FBXO15: variants seen among roughly 807,000 people sequenced by gnomAD.
FBXO15 encodes F-box only protein 15.
Under a neutral mutation model 49.5 loss-of-function variants are expected in FBXO15, and 30 were observed. The ratio of observed to expected loss-of-function variants is 0.61; its 90% CI spans 0.45 to 0.82. The LOEUF is 0.82. FBXO15 is among the 40% of genes least tolerant of loss of function. The probability of loss-of-function intolerance (pLI) is 0.00; values close to 1 mark genes in which losing one functional copy is unlikely to be tolerated. For synonymous variants in FBXO15, 250 were observed against 232.7 expected, an observed-to-expected ratio of 1.07 and a Z score of -0.68; for missense variants, 591 against 631.5, an observed-to-expected ratio of 0.94 and a Z score of 0.69.
chr18:74,097,867 C>T (rs550035285), intron 8 of FBXO15: 2 of 152,364 alleles, frequency 1.3e-5, no homozygotes, highest in Admixed American at 1.3e-4. Context: ...CACTTCACTC[C>T]CTTGCCACCT....
chr18:74,090,014 T>C (rs1431878823), intron 8 of FBXO15, among the ~76,000 whole-genome samples: 1 of 152,198 alleles, frequency 6.6e-6, no homozygotes, highest in African/African-American at 2.4e-5. Context: ...TTTATACAGC[T>C]GGTAGAATTT....
At chr18:74,085,551 C>A (rs1157201654) in intron 8 of FBXO15, among the ~76,000 whole-genome samples, 1 of 152,182 alleles carries the variant, frequency 6.6e-6, no homozygotes, top group Non-Finnish European at 1.5e-5. Context: ...CGAGATCGCA[C>A]CACTGCACTC....
chr18:74,144,654 ATCTG>A (rs75427307), intron 1 of FBXO15, among the ~76,000 whole-genome samples: 13,278 of 129,120 alleles, frequency 0.1, 808 homozygotes, highest in Admixed American at 0.22. Flanking sequence ...CTACTAAATA[ATCTG>A]TCTTTGTCCT....
chr18:74,090,106 A>T (rs1447890586), intron 8 of FBXO15, among the ~76,000 whole-genome samples: 1 of 151,890 alleles, frequency 6.6e-6, no homozygotes, highest in African/African-American at 2.4e-5. Context: ...CTCATTACTG[A>T]TCTGTTCAGG....
At chr18:74,140,767 C>T (rs1979027996) in intron 1 of FBXO15, 1 of 155,606 alleles carries the variant, frequency 6.4e-6, no homozygotes, top group South Asian at 2.0e-4. Flanking sequence ...TACACTCTCA[C>T]TGTAGGCTTT....
chr18:74,127,267 T>C (rs145881095), intron 5 of FBXO15, among the ~76,000 whole-genome samples: 85 of 152,322 alleles, frequency 5.6e-4, no homozygotes, highest in African/African-American at 2.0e-3. Flanking sequence ...GAGGTACTTA[T>C]TAAATAGACT....
chr18:74,130,813 T>C (rs745868593), intron 3 of FBXO15, 155 bp from the exon 4 acceptor site: 13 of 803,152 alleles, frequency 1.6e-5, no homozygotes, highest in Non-Finnish European at 3.7e-6. Flanking sequence ...TTAAAGTGAA[T>C]TGCAGTTTGA....
At position 74,110,358 on chromosome 18, in the gene FBXO15, T is replaced by C. The variant is rs1323307801; in HGVS notation, c.1138+13010A>G. Among the ~76,000 whole-genome samples, 6 of 151,592 alleles carry C rather than the reference T, an allele frequency of 4.0e-5. No individual in the cohort carries two copies. The East Asian group carries it at 7.7e-4, about 19-fold the overall frequency. ...AGTGAAACTGGATTTGTGGTAAATA[T>C]GGTAAATTGTAAGGCAACCACTATA... On this transcript the variant is annotated intron_variant, in intron 8 of 9. Transcript: ENST00000419743.
chr18:74,136,761 T>C (rs768962372), intron 2 of FBXO15, among the ~76,000 whole-genome samples: 1 of 152,188 alleles, frequency 6.6e-6, no homozygotes, highest in Non-Finnish European at 1.5e-5. Context: ...GTATCACTAG[T>C]GTCAAGAAGT....
Position 74,147,828 on chromosome 18 carries a change from GAA to G in FBXO15, c.-45_-44del, listed in dbSNP as rs993606932. On this transcript the variant is annotated 5_prime_UTR_variant, in exon 1 of 10. Transcript: ENST00000419743. ...CACAGGACCGCGCCAGGGCTGAAAC[GAA>G]GAGTGCACGCACCGCCCCCACGCCC... 3.4e-6 allele frequency: 5 copies of G among 1,469,362 alleles called. No homozygotes were observed. The highest frequency in any genetic ancestry group is 4.5e-6 in the Non-Finnish European group (5 of 1,110,474). 91.0% of individuals were successfully genotyped at this position (1,469,362 alleles called of 1,614,324 possible). A position where few individuals can be genotyped will look rare whatever the true frequency, so the allele number is the denominator to read the frequency against.
chr18:74,098,656 G>A (rs1398748723), intron 8 of FBXO15: 1 of 152,176 alleles, frequency 6.6e-6, no homozygotes, highest in African/African-American at 2.4e-5. Context: ...TGGCATTCCT[G>A]GGAAAGAAGA....
chr18:74,094,934 G>A (rs1031675197), intron 8 of FBXO15, among the ~76,000 whole-genome samples: 7 of 152,168 alleles, frequency 4.6e-5, no homozygotes, highest in East Asian at 1.9e-4. Flanking sequence ...TAGATCTTCC[G>A]GAGAACTTGC....
In FBXO15 at chr18:74,147,780, C is replaced by A. The variant is rs757877593; in HGVS notation, c.6G>T (p.Ala2=). ...GCTGCAAGATCCGACCGCGTCCAGT[C>A]GCCATAGAGACAAGGAGTTCACCAC... The part of the protein sequence containing the change: M[A]TGRGRILQQH... Residue 2 remains alanine, a synonymous_variant, in exon 1 of 10, where the codon GCG becomes GCT. Coordinates refer to ENST00000419743, the MANE Select transcript of FBXO15 (RefSeq NM_001142958.2). 5.5e-5 allele frequency: 84 copies of A among 1,533,762 alleles called. No individual in the cohort carries two copies. The highest frequency in any genetic ancestry group is 4.5e-4 in the South Asian group (37 of 82,960).
At chr18:74,108,496 T>A (rs1913868974) in intron 8 of FBXO15, among the ~76,000 whole-genome samples, 2 of 133,308 alleles carry the variant, frequency 1.5e-5, no homozygotes. Flanking sequence ...CCTCTAAAAT[T>A]GAAAAGCAAA....
intron 8 of FBXO15, among the ~76,000 whole-genome samples, chr18:74,103,955 T>C (rs1411478954): frequency 2.6e-5 from 4 of 152,154 alleles, no homozygotes; most frequent in Non-Finnish European, 4.4e-5. Context: ...CTGGTAAAAT[T>C]AAGCACAAAA....
At position 74,130,518 on chromosome 18, in the gene FBXO15, T is replaced by C; in HGVS notation, c.473A>G (p.Tyr158Cys). Reference protein sequence around the residue: ...DKEAGYWKKEYITKQIASVKA... With the variant: ...DKEAGYWKKECITKQIASVKA... Reference sequence around the variant, plus strand: ...TACAGATGCTATTTGTTTTGTGATATATTCTTTCTTCCAATAACCAGCTTC... The same window carrying C: ...TACAGATGCTATTTGTTTTGTGATACATTCTTTCTTCCAATAACCAGCTTC... Residue 158 changes from tyrosine to cysteine, a missense_variant, in exon 4 of 10, where the codon TAT (tyrosine) becomes TGT (cysteine). Physicochemically the swap from Tyr to Cys is radical, Grantham distance 194. Coordinates refer to ENST00000419743, the MANE Select transcript of FBXO15 (RefSeq NM_001142958.2). 2.5e-6 allele frequency: 4 copies of C among 1,614,200 alleles called. No individual in the cohort carries two copies. Among genetic ancestry groups the C allele is most frequent in the Non-Finnish European group, 3.4e-6 (4 of 1,180,020 alleles).
intron 8 of FBXO15, among the ~76,000 whole-genome samples, chr18:74,118,051 G>C (rs893427670): frequency 1.3e-5 from 2 of 150,738 alleles, no homozygotes; most frequent in Admixed American, 6.6e-5. Flanking sequence ...CTGTTGCCCA[G>C]GCTGGAGTGC....
chr18:74,145,939 C>T (rs1468267487), intron 1 of FBXO15, among the ~76,000 whole-genome samples: 2 of 152,184 alleles, frequency 1.3e-5, no homozygotes, highest in East Asian at 1.9e-4. Flanking sequence ...AACAAATCAG[C>T]AAGTTCTATT....
intron 8 of FBXO15, among the ~76,000 whole-genome samples, chr18:74,095,886 G>C (rs947519352): frequency 1.5e-4 from 23 of 152,140 alleles, no homozygotes; most frequent in Non-Finnish European, 1.2e-4. Flanking sequence ...ACAATGCTAA[G>C]ATTATCACCA....
Sources: gnomAD v4.1 joint callset for allele counts (sites outside exome capture counted in the v4.1 genomes callset) on GRCh38, gnomAD v4.1.1 for gene constraint, MANE v1.5 for transcripts, NCBI Gene and HGNC (gene_info 2026-07-23, HGNC 2026-07-21) for gene names.